ADAM19: variants seen among roughly 807,000 people sequenced by gnomAD.
ADAM19 encodes ADAM metallopeptidase domain 19, also known as disintegrin and metalloproteinase domain-containing protein 19.
Under a neutral mutation model 114.7 loss-of-function variants are expected in ADAM19, and 65 were observed. The observed-to-expected ratio is 0.57, with a 90% CI of 0.46 to 0.70. The LOEUF is 0.70. Among genes scored for constraint, ADAM19 ranks in the 30% least tolerant of loss-of-function variants. ADAM19 has a pLI of 0.00. For synonymous variants in ADAM19, 466 were observed against 460.5 expected, an observed-to-expected ratio of 1.01 and a Z score of -0.15; for missense variants, 1,063 against 1,204.7, an observed-to-expected ratio of 0.88 and a Z score of 1.74.
intron 11 of ADAM19, 21 bp downstream of exon 11, chr5:157,505,648 C>T (rs1180483957): frequency 6.2e-7 from 1 of 1,612,752 alleles, no homozygotes; most frequent in East Asian, 2.2e-5. Context: ...TCCCCATCCT[C>T]CCTCTTGCTG....
Position 157,491,646 on chromosome 5 carries a change from GC to G in ADAM19, c.2063del (p.Gly688AlafsTer17). Reference sequence around the variant, plus strand: ...GGGGCATAGGCCCACTGTCGATACTGCCCCCGTGGCCCGGTGTGTTGCAGAA... The same window carrying G: ...GGGGCATAGGCCCACTGTCGATACTGCCCCGTGGCCCGGTGTGTTGCAGAA... ...PPFCNTPGHG[G>X]SIDSGPMPPE... On this transcript the variant is annotated frameshift_variant, in exon 18 of 23. Coordinates refer to ENST00000257527, the MANE Select transcript of ADAM19 (RefSeq NM_033274.5). LOFTEE classifies it high-confidence loss of function. The G allele has an allele frequency of 1.3e-6, 2 of 1,552,360 alleles. No homozygotes were observed. Among genetic ancestry groups the G allele is most frequent in the Non-Finnish European group, 1.7e-6 (2 of 1,148,614 alleles).
chr5:157,497,121 A>C (rs770362593), intron 13 of ADAM19, 32 bp from the exon 14 acceptor site: 9 of 1,469,324 alleles, frequency 6.1e-6, no homozygotes, highest in Non-Finnish European at 6.3e-6. Context: ...AAACACAGTC[A>C]ATCTCCTCCC....
At chr5:157,562,948 G>A (rs760856100) in intron 3 of ADAM19, among the ~76,000 whole-genome samples, 2 of 152,100 alleles carry the variant, frequency 1.3e-5, no homozygotes, top group Admixed American at 6.5e-5. Context: ...CTCTACTGGG[G>A]GCAGAACAGG....
intron 12 of ADAM19, among the ~76,000 whole-genome samples, chr5:157,500,787 C>T (rs766775688): frequency 5.9e-5 from 9 of 152,144 alleles, no homozygotes; most frequent in African/African-American, 1.9e-4. Context: ...GATTATGAGG[C>T]GTTCCAGTGA....
chr5:157,522,017 T>C (rs558503974), intron 5 of ADAM19, among the ~76,000 whole-genome samples: 57 of 152,350 alleles, frequency 3.7e-4, no homozygotes, highest in Non-Finnish European at 4.9e-4. Flanking sequence ...GCAACTGATC[T>C]GGCATCACTT....
intron 6 of ADAM19, among the ~76,000 whole-genome samples, 156 bp from the exon 7 acceptor site, chr5:157,519,044 A>G (rs1756187624): frequency 6.6e-6 from 1 of 152,146 alleles, no homozygotes; most frequent in Admixed American, 6.5e-5. Context: ...GGTGGCCATC[A>G]CTCATATAAC....
At chr5:157,562,689 C>T (rs1424035079) in intron 3 of ADAM19, among the ~76,000 whole-genome samples, 1 of 152,208 alleles carries the variant, frequency 6.6e-6, no homozygotes, top group African/African-American at 2.4e-5. Context: ...AGACAAATGC[C>T]TATCCCTCTC....
intron 14 of ADAM19, among the ~76,000 whole-genome samples, chr5:157,496,465 AC>A (rs1258715148): frequency 1.3e-5 from 2 of 152,148 alleles, no homozygotes; most frequent in Non-Finnish European, 2.9e-5. Flanking sequence ...CACACCCTCC[AC>A]AACACTATAT....
intron 3 of ADAM19, among the ~76,000 whole-genome samples, chr5:157,563,618 G>T (rs1317793550): frequency 1.3e-5 from 2 of 152,132 alleles, no homozygotes; most frequent in Non-Finnish European, 2.9e-5. Flanking sequence ...AAAGTGGGAC[G>T]GTCAGTGGGG....
At chr5:157,499,076 T>C (rs1209664992) in intron 13 of ADAM19, among the ~76,000 whole-genome samples, 1 of 152,144 alleles carries the variant, frequency 6.6e-6, no homozygotes, top group Non-Finnish European at 1.5e-5. Context: ...TTCAGTCCCT[T>C]CCTGACTGCC....
At chr5:157,545,691 A>G (rs930843955) in intron 3 of ADAM19, among the ~76,000 whole-genome samples, 3 of 152,220 alleles carry the variant, frequency 2.0e-5, no homozygotes, top group African/African-American at 7.2e-5. Context: ...CAACTTGCCC[A>G]GCATCACACA....
chr5:157,542,447 T>G (rs561989556), intron 3 of ADAM19, among the ~76,000 whole-genome samples: 2 of 152,236 alleles, frequency 1.3e-5, no homozygotes, highest in Non-Finnish European at 2.9e-5. Flanking sequence ...GCAGCTGCAC[T>G]AGGCAACTGC....
chr5:157,504,325 A>G (rs554362435), intron 11 of ADAM19, among the ~76,000 whole-genome samples: 1 of 152,308 alleles, frequency 6.6e-6, no homozygotes, highest in East Asian at 1.9e-4. Flanking sequence ...ATCTTGGCTC[A>G]CTGCAACCTT....
At position 157,488,362 on chromosome 5, in the gene ADAM19, G is replaced by A; in HGVS notation, c.2453C>T (p.Ser818Phe). The A allele has an allele frequency of 6.2e-7, 1 of 1,614,188 alleles. No homozygotes were observed. Among genetic ancestry groups the A allele is most frequent in the Non-Finnish European group, 8.5e-7 (1 of 1,180,026 alleles). ...PAHLSRAARN[S>F]PGPGSQIERT... ...CTCTATTTGAGACCCGGGCCCTGGGGAGTTCCTAGCAGCCCTGCTCAGGTG... is the reference window on the plus strand; with the variant it reads ...CTCTATTTGAGACCCGGGCCCTGGGAAGTTCCTAGCAGCCCTGCTCAGGTG... Residue 818 changes from serine (S) to phenylalanine (F), a missense_variant, in exon 21 of 23, where the codon TCC becomes TTC. Ser to Phe is a radical substitution (Grantham distance 155, BLOSUM62 -2). Around this residue, in one of 3 missense-constraint regions of ADAM19, gnomAD observed 424 missense variants for 445.5 expected, o/e 0.95. Transcript: ENST00000257527.
Position 157,479,150 on chromosome 5 carries a change from T to C in ADAM19, c.*1799A>G, listed in dbSNP as rs1754676521. The C allele has an allele frequency of 2.0e-6, 2 of 985,876 alleles. No individual in the cohort carries two copies. The highest frequency in any genetic ancestry group is 2.4e-6 in the Non-Finnish European group (2 of 829,956). 61.1% of individuals were successfully genotyped at this position (985,876 alleles called of 1,614,324 possible). ...GCAAGGATGACCCACGGCAAGGACA[T>C]GGGGAACCTGTATCACAGCCACCCT... On this transcript the variant is annotated 3_prime_UTR_variant, in exon 23 of 23. Transcript: ENST00000257527.
chr5:157,523,607 T>C (rs902702108), intron 5 of ADAM19, among the ~76,000 whole-genome samples: 1 of 152,228 alleles, frequency 6.6e-6, no homozygotes, highest in Non-Finnish European at 1.5e-5. Context: ...CCTTCTGCCA[T>C]GAGTGGAAGC....
chr5:157,542,087 T>A (rs983637394), intron 3 of ADAM19, among the ~76,000 whole-genome samples: 2 of 152,158 alleles, frequency 1.3e-5, no homozygotes, highest in African/African-American at 4.8e-5. Context: ...GGAGGTCCAC[T>A]TTTCTGGTCT....
At chr5:157,514,062 C>G in intron 7 of ADAM19, among the ~76,000 whole-genome samples, 1 of 152,162 alleles carries the variant, frequency 6.6e-6, no homozygotes, top group East Asian at 1.9e-4. Context: ...CAGAGAGGGC[C>G]AGAAATAACT....
At chr5:157,501,720 T>C (rs1755567705) in intron 12 of ADAM19, among the ~76,000 whole-genome samples, 1 of 151,960 alleles carries the variant, frequency 6.6e-6, no homozygotes, top group South Asian at 2.1e-4. Flanking sequence ...ATTCTGAAAG[T>C]GACATACTGG....
Sources: allele counts gnomAD v4.1 joint callset (sites outside exome capture counted in the v4.1 genomes callset), GRCh38; gene constraint gnomAD v4.1.1; regional missense constraint gnomAD v4.1.1; transcripts MANE v1.5; gene names NCBI Gene and HGNC (gene_info 2026-07-23, HGNC 2026-07-21).